The following MAP3K14 variants were observed in gnomAD, a reference collection of about 807,000 sequenced individuals.
MAP3K14 encodes mitogen-activated protein kinase kinase kinase 14, also known as NF-kappa-beta-inducing kinase.
A neutral mutation model predicts 99.2 loss-of-function variants in MAP3K14; 16 were observed. That is an observed-to-expected ratio of 0.16 (90% CI 0.11 to 0.24). The LOEUF is 0.24. MAP3K14 is among the 10% of genes least tolerant of loss of function. MAP3K14 has a pLI of 1.00. For synonymous variants in MAP3K14, 462 were observed against 492.4 expected (o/e 0.94, Z 0.82); for missense variants, 784 against 1,208.7 (o/e 0.65, Z 5.21).
intron 1 of MAP3K14, 26 bp from the exon 2 acceptor site, chr17:45,290,791 G>C (rs2044304434): frequency 6.3e-7 from 1 of 1,594,616 alleles, no homozygotes; most frequent in African/African-American, 1.3e-5. Flanking sequence ...CACAGAGCAG[G>C]TCACTTAGAA....
At chr17:45,273,480 C>G in intron 9 of MAP3K14, 23 bp downstream of exon 9, 1 of 1,571,262 alleles carries the variant, frequency 6.4e-7, no homozygotes, top group Non-Finnish European at 8.7e-7. Flanking sequence ...TTGGGGGGCA[C>G]GGCAGTTGGT....
chr17:45,315,203 T>C (rs1005083384), intron 1 of MAP3K14, among the ~76,000 whole-genome samples: 2 of 151,850 alleles, frequency 1.3e-5, no homozygotes, highest in Admixed American at 1.3e-4. Context: ...CCAGACATTT[T>C]TGTTTAATAG....
chr17:45,310,979 T>C (rs1365944225), intron 1 of MAP3K14, among the ~76,000 whole-genome samples: 4 of 151,718 alleles, frequency 2.6e-5, no homozygotes, highest in Non-Finnish European at 4.4e-5. Flanking sequence ...AGTGATAGGG[T>C]TGTGGTAGGG....
intron 3 of MAP3K14, 36 bp from the exon 4 acceptor site, chr17:45,287,400 G>A (rs771724094): frequency 1.6e-5 from 25 of 1,578,930 alleles, no homozygotes; most frequent in Non-Finnish European, 2.0e-5. Context: ...TATTGAGCAC[G>A]AGGAAGCAGG....
intron 1 of MAP3K14, among the ~76,000 whole-genome samples, chr17:45,295,681 C>T (rs933850950): frequency 6.6e-6 from 1 of 152,196 alleles, no homozygotes; most frequent in Non-Finnish European, 1.5e-5. Flanking sequence ...CCTCCTAAGC[C>T]GACATCTAAA....
chr17:45,268,089 T>G (rs1227193535), intron 11 of MAP3K14: 6 of 270,954 alleles, frequency 2.2e-5, no homozygotes, highest in African/African-American at 1.2e-4. Context: ...AAAACAGCCC[T>G]GGGGCTACAC....
intron 1 of MAP3K14, among the ~76,000 whole-genome samples, 187 bp downstream of exon 1, chr17:45,316,773 G>T (rs905685825): frequency 4.2e-4 from 63 of 151,786 alleles, no homozygotes; most frequent in African/African-American, 1.4e-3. Context: ...CGCGTGCGAG[G>T]GCGCGCCCGC....
chr17:45,294,599 C>T (rs763967453), intron 1 of MAP3K14, among the ~76,000 whole-genome samples: 7 of 152,340 alleles, frequency 4.6e-5, no homozygotes, highest in Admixed American at 6.5e-5. Flanking sequence ...TCTTCCACTC[C>T]GAGGAAAAGC....
At chr17:45,281,828 G>A (rs1373330384) in intron 6 of MAP3K14, 1 of 151,532 alleles carries the variant, frequency 6.6e-6, no homozygotes, top group African/African-American at 2.4e-5. Flanking sequence ...ATTTTTAGTA[G>A]AGATGGGGTT....
chr17:45,288,701 T>C (rs1353719941), intron 3 of MAP3K14, among the ~76,000 whole-genome samples: 1 of 152,170 alleles, frequency 6.6e-6, no homozygotes, highest in Non-Finnish European at 1.5e-5. Context: ...CAAAAAATCA[T>C]CTGTGGGGGA....
At chr17:45,313,612 G>A (rs1432221079) in intron 1 of MAP3K14, among the ~76,000 whole-genome samples, 2 of 152,184 alleles carry the variant, frequency 1.3e-5, no homozygotes, top group East Asian at 1.9e-4. Flanking sequence ...TGTTGCTCTG[G>A]ACAAATCACG....
chr17:45,277,548 C>T (rs1185858474), intron 6 of MAP3K14, among the ~76,000 whole-genome samples: 2 of 152,182 alleles, frequency 1.3e-5, no homozygotes, highest in East Asian at 3.9e-4. Flanking sequence ...AACTTTGACT[C>T]TGCCAGTGTT....
chr17:45,309,151 G>A (rs1387475896), intron 1 of MAP3K14, among the ~76,000 whole-genome samples: 1 of 152,202 alleles, frequency 6.6e-6, no homozygotes, highest in Admixed American at 6.5e-5. Context: ...CTGTCCCTAC[G>A]CTTCTGAAAA....
At chr17:45,271,331 G>T (rs2044141259) in intron 9 of MAP3K14, 110 bp from the exon 10 acceptor site, 3 of 925,174 alleles carry the variant, frequency 3.2e-6, no homozygotes, top group African/African-American at 1.7e-5. Flanking sequence ...CACTGTTAAA[G>T]TACTTTTTAT....
At chr17:45,305,074 GA>G (rs1393178942) in intron 1 of MAP3K14, among the ~76,000 whole-genome samples, 3 of 152,084 alleles carry the variant, frequency 2.0e-5, no homozygotes, top group Non-Finnish European at 4.4e-5. Flanking sequence ...GGAAGTGTAA[GA>G]TTTTTTTTGG....
Position 45,263,552 on chromosome 17 carries a change from T to C in MAP3K14, c.*1084A>G, listed in dbSNP as rs904658451. 1 of 152,798 alleles carries C rather than the reference T, an allele frequency of 6.5e-6. No homozygotes were observed. Among genetic ancestry groups the C allele is most frequent in the Non-Finnish European group, 1.5e-5 (1 of 68,162 alleles). 9.5% of individuals were successfully genotyped at this position (152,798 alleles called of 1,614,324 possible). On this transcript the variant is annotated 3_prime_UTR_variant, in exon 16 of 16. Transcript: ENST00000344686. ...CCCATCTCCTGGCTTGCTATGCTCC[T>C]ACAGTGTCACTGCCCTGCCCTGCCC...
At chr17:45,281,576 A>ACC (rs1430848178) in intron 6 of MAP3K14, 1 of 132,434 alleles carries the variant, frequency 7.6e-6, no homozygotes, top group Admixed American at 7.8e-5. Context: ...GTGATCCACC[A>ACC]CCCTTGGTCT....
intron 1 of MAP3K14, among the ~76,000 whole-genome samples, chr17:45,301,251 G>A: frequency 6.6e-6 from 1 of 151,456 alleles, no homozygotes; most frequent in East Asian, 1.9e-4. Context: ...ATCACCTGAG[G>A]TCAGGAGTTT....
chr17:45,285,017 G>A, intron 5 of MAP3K14, 68 bp from the exon 6 acceptor site: 6 of 1,493,328 alleles, frequency 4.0e-6, no homozygotes, highest in Admixed American at 4.2e-5. Context: ...GGGCTACAGT[G>A]AGGAAGACTC....
Sources: allele counts gnomAD v4.1 joint callset (sites outside exome capture counted in the v4.1 genomes callset), GRCh38; gene constraint gnomAD v4.1.1; transcripts MANE v1.5; gene names NCBI Gene and HGNC (gene_info 2026-07-23, HGNC 2026-07-21).